Variants in NRG1 observed in about 807,000 individuals in gnomAD.
NRG1 encodes pro-neuregulin-1, membrane-bound isoform.
NRG1 carries 18 observed loss-of-function variants against 63.8 expected under a neutral mutation model. That is an observed-to-expected ratio of 0.28 (90% CI 0.19 to 0.42). The LOEUF is 0.42. Among genes scored for constraint, NRG1 ranks in the 10% least tolerant of loss-of-function variants. NRG1 has a pLI of 1.00. For missense variants in NRG1, 762 were observed against 814.7 expected (o/e 0.94, Z 0.79); for synonymous variants, 302 against 301.3 (o/e 1.00, Z -0.02).
chr8:32,461,707 G>T lies in NRG1; in HGVS notation c.38-134121G>T, dbSNP rs1822339660. Among the ~76,000 whole-genome samples, 5 of 152,028 alleles carry T rather than the reference G, an allele frequency of 3.3e-5. No homozygotes were observed. The South Asian group carries it at 1.0e-3, about 32-fold the overall frequency. On this transcript the variant is annotated intron_variant, in intron 1 of 10. Coordinates refer to the NRG1 transcript ENST00000519301. ...GACTCTGTCTCCAAAAAAAAGAAAA[G>T]AAATCCTCAGAGAAGATATCCTAGA...
chr8:32,144,947 T>C (rs2131768724), intron 1 of NRG1, among the ~76,000 whole-genome samples: 1 of 152,330 alleles, frequency 6.6e-6, no homozygotes, highest in South Asian at 2.1e-4. Flanking sequence ...ATTGCCCTTA[T>C]TCTTGTCGAT....
intron 1 of NRG1, among the ~76,000 whole-genome samples, chr8:31,785,688 T>C (rs1017804644): frequency 6.6e-6 from 1 of 152,242 alleles, no homozygotes; most frequent in Admixed American, 6.5e-5. Context: ...ACTTTCTATG[T>C]GTGGTTAAAA....
chr8:32,616,140 CG>C (rs1847319773), intron 4 of NRG1, among the ~76,000 whole-genome samples: 1 of 151,964 alleles, frequency 6.6e-6, no homozygotes, highest in Non-Finnish European at 1.5e-5. Flanking sequence ...AAAACCCATC[CG>C]TTCCATGCTT....
At chr8:32,026,644 A>C (rs1817424827) in intron 1 of NRG1, among the ~76,000 whole-genome samples, 1 of 152,190 alleles carries the variant, frequency 6.6e-6, no homozygotes, top group South Asian at 2.1e-4. Flanking sequence ...ATGCCTAAAA[A>C]TAAGTTACCC....
At chr8:32,384,552 G>A (rs1365252396) in intron 1 of NRG1, among the ~76,000 whole-genome samples, 1 of 152,194 alleles carries the variant, frequency 6.6e-6, no homozygotes, top group Non-Finnish European at 1.5e-5. Flanking sequence ...AAAGCTCTCT[G>A]ATAACCTTGG....
chr8:31,984,871 C>T (rs906019433), intron 1 of NRG1, among the ~76,000 whole-genome samples: 2 of 152,060 alleles, frequency 1.3e-5, no homozygotes, highest in Non-Finnish European at 2.9e-5. Flanking sequence ...ATCTTTGCAG[C>T]TCTTATTGAC....
At chr8:32,356,088 C>T (rs995553531) in intron 1 of NRG1, among the ~76,000 whole-genome samples, 1 of 152,112 alleles carries the variant, frequency 6.6e-6, no homozygotes, top group African/African-American at 2.4e-5. Flanking sequence ...GGACAAGTAC[C>T]CTACTCCTGT....
intron 1 of NRG1, among the ~76,000 whole-genome samples, chr8:31,922,805 G>A (rs916197551): frequency 3.3e-5 from 5 of 152,150 alleles, no homozygotes; most frequent in African/African-American, 1.2e-4. Context: ...TATGTGCCAG[G>A]TGTTGGAAGA....
intron 1 of NRG1, among the ~76,000 whole-genome samples, chr8:32,469,944 G>A (rs1206199839): frequency 2.6e-5 from 4 of 151,988 alleles, no homozygotes; most frequent in African/African-American, 9.7e-5. Flanking sequence ...TGCAAGCTCC[G>A]TCTCCCTGGT....
chr8:32,511,367 GTATATATATATATA>G (rs202038797), intron 1 of NRG1, among the ~76,000 whole-genome samples: 4 of 122,078 alleles, frequency 3.3e-5, no homozygotes, highest in African/African-American at 1.2e-4. Flanking sequence ...ATATATATGT[GTATATATATATATA>G]TATATATATA....
intron 1 of NRG1, among the ~76,000 whole-genome samples, chr8:31,963,824 G>A (rs1443606683): frequency 1.3e-5 from 2 of 152,200 alleles, no homozygotes; most frequent in Non-Finnish European, 2.9e-5. Context: ...TACTGGTTGA[G>A]AGAGCTCAGC....
chr8:32,479,652 T>C (rs1280950085), intron 1 of NRG1, among the ~76,000 whole-genome samples: 1 of 152,094 alleles, frequency 6.6e-6, no homozygotes, highest in African/African-American at 2.4e-5. Context: ...ATTCTCATTA[T>C]TTTTTGTTTG....
At chr8:32,740,426 C>T (rs939427948) in intron 6 of NRG1, among the ~76,000 whole-genome samples, 1 of 152,004 alleles carries the variant, frequency 6.6e-6, no homozygotes, top group Non-Finnish European at 1.5e-5. Flanking sequence ...AAACACCTGA[C>T]CTTGTTGTGA....
At chr8:32,552,108 A>G (rs1435434058) in intron 1 of NRG1, among the ~76,000 whole-genome samples, 1 of 149,950 alleles carries the variant, frequency 6.7e-6, no homozygotes, top group Non-Finnish European at 1.5e-5. Context: ...ACAGGGTTTC[A>G]CCATGTTGGC....
Position 32,263,662 on chromosome 8 carries a change from A to T in NRG1, c.38-332166A>T, listed in dbSNP as rs189197381. Reference sequence around the variant, plus strand: ...TTAGCTATATATAGATTAACTTTTTAAAAAAATATTTTCCCCATACACCCA... The same window carrying T: ...TTAGCTATATATAGATTAACTTTTTTAAAAAATATTTTCCCCATACACCCA... On this transcript the variant is annotated intron_variant, in intron 1 of 10. Transcript: ENST00000519301. 7.9e-5 allele frequency among the ~76,000 whole-genome samples: 12 copies of T among 152,270 alleles called. No individual in the cohort carries two copies. In the East Asian group the frequency reaches 1.2e-3, roughly 15 times the overall value.
intron 1 of NRG1, among the ~76,000 whole-genome samples, chr8:31,734,575 G>A (rs35255899): frequency 0.012 from 1,861 of 151,900 alleles, 15 homozygotes; most frequent in Non-Finnish European, 0.018. Context: ...GTTTGTTTTT[G>A]GTTAACTGCA....
At chr8:32,651,804 T>C (rs1296813453) in intron 5 of NRG1, among the ~76,000 whole-genome samples, 2 of 152,196 alleles carry the variant, frequency 1.3e-5, no homozygotes, top group African/African-American at 4.8e-5. Flanking sequence ...TAAATTCTAA[T>C]GCATCCTTCT....
chr8:32,539,567 A>G (rs3934585), intron 1 of NRG1, among the ~76,000 whole-genome samples: 114,941 of 152,056 alleles, frequency 0.76, 43,613 homozygotes, highest in East Asian at 0.84. Flanking sequence ...TGCGGGGAAG[A>G]GATGGAGATT....
chr8:32,645,305 G>A (rs1006145671), intron 5 of NRG1, among the ~76,000 whole-genome samples: 1 of 152,146 alleles, frequency 6.6e-6, no homozygotes, highest in African/African-American at 2.4e-5. Context: ...AATAAGCATA[G>A]GAATTATTTT....
Sources: gnomAD v4.1 joint callset for allele counts (sites outside exome capture counted in the v4.1 genomes callset) on GRCh38, gnomAD v4.1.1 for gene constraint, MANE v1.5 for transcripts, NCBI Gene and HGNC (gene_info 2026-07-23, HGNC 2026-07-21) for gene names.